Variants in TXNDC12 observed in about 807,000 individuals in gnomAD.
The protein encoded by TXNDC12 is thioredoxin domain containing 12, also known as thioredoxin domain-containing protein 12.
A neutral mutation model predicts 24.2 loss-of-function variants in TXNDC12; 22 were observed. The observed-to-expected ratio is 0.91, with a 90% CI of 0.65 to 1.30. The LOEUF is 1.30. TXNDC12 is among the 50% of genes most tolerant of loss of function. TXNDC12 has a pLI of 0.00. For missense variants in TXNDC12, 184 were observed against 205.8 expected, an observed-to-expected ratio of 0.89 and a Z score of 0.65; for synonymous variants, 58 against 73.4, an observed-to-expected ratio of 0.79 and a Z score of 1.07.
At chr1:52,025,614 GA>G (rs556003604) in intron 4 of TXNDC12, among the ~76,000 whole-genome samples, 1 of 152,308 alleles carries the variant, frequency 6.6e-6, no homozygotes, top group South Asian at 2.1e-4. Flanking sequence ...ATTCACCACA[GA>G]AAGTGGTGAG....
At chr1:52,042,124 T>G (rs1686004676) in intron 1 of TXNDC12, among the ~76,000 whole-genome samples, 1 of 152,190 alleles carries the variant, frequency 6.6e-6, no homozygotes, top group Non-Finnish European at 1.5e-5. Flanking sequence ...TACCTCCAAG[T>G]GTTAGTATAA....
chr1:52,020,981 C>A lies in TXNDC12; in HGVS notation c.471G>T (p.Arg157Ser). 1 of 1,614,128 alleles carries A rather than the reference C, an allele frequency of 6.2e-7. No homozygotes were observed. Among genetic ancestry groups the A allele is most frequent in the Non-Finnish European group, 8.5e-7 (1 of 1,179,978 alleles). ...TCTTTCTGAAGGCATCACCCGTCAG[C>A]CTTTCCTGAGCTTCCTTCATCCCCT... ...VVQGMKEAQE[R>S]LTGDAFRKKH... is the part of the protein sequence containing the mutation. The change falls in exon 7 of 7, where the codon AGG becomes AGT. Residue 157 changes from arginine (R) to serine (S), a missense_variant. Physicochemically the swap from Arg to Ser is moderately radical, Grantham distance 110. Coordinates refer to ENST00000371626, the MANE Select transcript of TXNDC12 (RefSeq NM_015913.4).
intron 1 of TXNDC12, among the ~76,000 whole-genome samples, chr1:52,049,260 A>T (rs1686154798): frequency 6.6e-6 from 1 of 152,116 alleles, no homozygotes. Flanking sequence ...AGTACTTCCC[A>T]AGCTGTTCTG....
Position 52,027,357 on chromosome 1 carries a change from A to T in TXNDC12, c.212-9T>A, listed in dbSNP as rs1006863880. 1.1e-5 allele frequency: 18 copies of T among 1,599,486 alleles called. No homozygotes were observed. Among genetic ancestry groups the T allele is most frequent in the Non-Finnish European group, 1.5e-5 (18 of 1,168,190 alleles). ...AAATTTGGGCTTTAGAGCTGGGGGG[A>T]AAAAGATTTTGGAATAGAAGAAAAA... On this transcript the variant is annotated splice_polypyrimidine_tract_variant and intron_variant, in intron 3 of 6. Transcript: ENST00000371626.
At chr1:52,032,157 A>G in intron 2 of TXNDC12, 1 of 978,092 alleles carries the variant, frequency 1.0e-6, no homozygotes. Context: ...TAACTTTCTT[A>G]CTTCCACAAA....
intron 2 of TXNDC12, among the ~76,000 whole-genome samples, chr1:52,029,665 T>C (rs1472287065): frequency 6.6e-6 from 1 of 152,224 alleles, no homozygotes; most frequent in Non-Finnish European, 1.5e-5. Context: ...CTCTTAGCTG[T>C]CTCTATATCC....
intron 2 of TXNDC12, chr1:52,032,446 C>T (rs957551797): frequency 8.0e-7 from 1 of 1,249,698 alleles, no homozygotes; most frequent in Admixed American, 3.9e-5. Flanking sequence ...TAATCCCTGT[C>T]CACCTTAGCT....
At chr1:52,028,855 C>G (rs993330009) in intron 2 of TXNDC12, among the ~76,000 whole-genome samples, 1 of 152,180 alleles carries the variant, frequency 6.6e-6, no homozygotes. Flanking sequence ...GGGCTGGGCA[C>G]AGTGGCTCAT....
rs570489559 is a variant in TXNDC12 at position 52,038,452 on chromosome 1, A to T, written c.158+3085T>A. The stretch of plus-strand genomic sequence containing the variant: ...CAGCCTCCCAAGTAGCTGGGATTAT[A>T]GGCATGGACCACTACCACCTAGCTA... On this transcript the variant is annotated intron_variant, in intron 2 of 6. Coordinates refer to ENST00000371626, the MANE Select transcript of TXNDC12 (RefSeq NM_015913.4). Among the ~76,000 whole-genome samples the T allele has an allele frequency of 1.7e-4, 26 of 152,070 alleles. 1 individual carries two copies. The South Asian group carries it at 5.4e-3, about 32-fold the overall frequency.
intron 1 of TXNDC12, among the ~76,000 whole-genome samples, chr1:52,054,355 A>G (rs1686281731): frequency 6.6e-6 from 1 of 152,222 alleles, no homozygotes; most frequent in Non-Finnish European, 1.5e-5. Flanking sequence ...TAAAACTTAG[A>G]ATGGAGATGT....
rs555182612 is a variant in TXNDC12 at position 52,049,797 on chromosome 1, C to T, written c.97+5203G>A. The stretch of plus-strand genomic sequence containing the variant: ...AAGCAATCTGCCCGCCTTGGCCTCC[C>T]AAACTGCTAGGATTATAGGCGTGAG... On this transcript the variant is annotated intron_variant, in intron 1 of 6. Coordinates refer to ENST00000371626, the MANE Select transcript of TXNDC12 (RefSeq NM_015913.4). 4.1e-3 allele frequency among the ~76,000 whole-genome samples: 619 copies of T among 152,120 alleles called. 3 individuals are homozygous for T. Among genetic ancestry groups the T allele is most frequent in the African/African-American group, 0.014 (586 of 41,488 alleles).
At chr1:52,033,574 C>T in intron 2 of TXNDC12, 4 of 1,613,720 alleles carry the variant, frequency 2.5e-6, no homozygotes, top group Non-Finnish European at 3.4e-6. Flanking sequence ...CACGGAGGCT[C>T]GCAGAGCTCC....
Position 52,022,642 on chromosome 1 carries a change from T to G in TXNDC12, c.439+849A>C, listed in dbSNP as rs988162144. ...CGTTTCGGGGTTTTTTTGGTTTTTT[T>G]TTTTTTTTTTTTTTGAGACAGAGTC... On this transcript the variant is annotated intron_variant, in intron 6 of 6. Coordinates refer to ENST00000371626, the MANE Select transcript of TXNDC12 (RefSeq NM_015913.4). Among the ~76,000 whole-genome samples the G allele has an allele frequency of 6.9e-5, 10 of 144,918 alleles. No homozygotes were observed. In the South Asian group the frequency reaches 9.3e-4, roughly 13 times the overall value.
intron 1 of TXNDC12, among the ~76,000 whole-genome samples, chr1:52,054,458 AGGACAATTGTTGG>A (rs1686284698): frequency 6.6e-6 from 1 of 151,916 alleles, no homozygotes; most frequent in Non-Finnish European, 1.5e-5. Flanking sequence ...AACCACAGCA[AGGACAATTGTTGG>A]GGACCCTTAA....
chr1:52,036,443 TGAG>T (rs1378872674), intron 2 of TXNDC12, among the ~76,000 whole-genome samples: 3 of 151,958 alleles, frequency 2.0e-5, no homozygotes, highest in African/African-American at 4.8e-5. Flanking sequence ...CTGAGTAGGC[TGAG>T]GAGGAGGAGG....
intron 6 of TXNDC12, 88 bp from the exon 7 acceptor site, chr1:52,021,100 G>T: frequency 1.0e-6 from 1 of 1,002,754 alleles, no homozygotes; most frequent in Non-Finnish European, 1.6e-6. Flanking sequence ...TGTTTCAGAA[G>T]AAATATGAGA....
chr1:52,044,935 ACCACACTCCAG>A (rs1171538229), intron 1 of TXNDC12, among the ~76,000 whole-genome samples: 5 of 151,856 alleles, frequency 3.3e-5, no homozygotes, highest in Non-Finnish European at 7.4e-5. Context: ...AGATCACGCC[ACCACACTCCAG>A]CCTGGGTGAC....
At chr1:52,048,443 G>A (rs1686138621) in intron 1 of TXNDC12, among the ~76,000 whole-genome samples, 1 of 150,576 alleles carries the variant, frequency 6.6e-6, no homozygotes, top group African/African-American at 2.5e-5. Flanking sequence ...TCTAGCTCGG[G>A]CAACAGAGGG....
chr1:52,042,404 C>T (rs1419969714), intron 1 of TXNDC12, among the ~76,000 whole-genome samples: 1 of 152,084 alleles, frequency 6.6e-6, no homozygotes, highest in Non-Finnish European at 1.5e-5. Flanking sequence ...CCCACCTCTC[C>T]AGCCTCACTT....
Sources: gnomAD v4.1 joint callset for allele counts (sites outside exome capture counted in the v4.1 genomes callset) on GRCh38, gnomAD v4.1.1 for gene constraint, MANE v1.5 for transcripts, NCBI Gene and HGNC (gene_info 2026-07-23, HGNC 2026-07-21) for gene names.